Variants in PUM2 observed in about 807,000 individuals in gnomAD.
PUM2 encodes the protein pumilio RNA binding family member 2.
A neutral mutation model predicts 124.5 loss-of-function variants in PUM2; 57 were observed. The observed-to-expected ratio is 0.46, with a 90% CI of 0.37 to 0.57. PUM2 has a LOEUF of 0.57. Ranked by LOEUF, PUM2 falls within the 20% of genes least tolerant of loss-of-function variation. The pLI is 0.00. For missense variants in PUM2, 1,065 were observed against 1,290.6 expected (o/e 0.83, Z 2.68); for synonymous variants, 460 against 446.1 (o/e 1.03, Z -0.39).
chr2:20,320,784 T>C (rs1682135268), intron 2 of PUM2, among the ~76,000 whole-genome samples: 1 of 151,980 alleles, frequency 6.6e-6, no homozygotes, highest in Non-Finnish European at 1.5e-5. Context: ...AAAACATAAA[T>C]CTAGTAATAT....
chr2:20,305,408 G>C (rs1007697536), intron 7 of PUM2, among the ~76,000 whole-genome samples: 1 of 135,600 alleles, frequency 7.4e-6, no homozygotes, highest in East Asian at 2.4e-4. Flanking sequence ...AGCCTGGGAA[G>C]CTGAGGCTGT....
intron 13 of PUM2, among the ~76,000 whole-genome samples, chr2:20,276,040 T>C (rs954284713): frequency 1.1e-4 from 16 of 151,998 alleles, no homozygotes; most frequent in African/African-American, 3.9e-4. Context: ...TATTATACTA[T>C]AAAAAATGGA....
chr2:20,299,573 C>A (rs556611039), intron 7 of PUM2, among the ~76,000 whole-genome samples: 56 of 152,168 alleles, frequency 3.7e-4, no homozygotes, highest in Middle Eastern at 3.4e-3. Flanking sequence ...GAGGCTGAGG[C>A]ATGAGAATTG....
intron 15 of PUM2, among the ~76,000 whole-genome samples, chr2:20,259,890 C>T (rs746106654): frequency 1.3e-5 from 2 of 152,180 alleles, no homozygotes; most frequent in Non-Finnish European, 2.9e-5. Context: ...TACATTTCCA[C>T]CAGCAATTTA....
chr2:20,294,248 A>G, intron 9 of PUM2, 128 bp downstream of exon 9: 1 of 985,738 alleles, frequency 1.0e-6, no homozygotes, highest in South Asian at 1.7e-5. Flanking sequence ...ATACTTGCGT[A>G]TCAACTGTAT....
intron 13 of PUM2, among the ~76,000 whole-genome samples, chr2:20,266,233 A>G (rs1209760801): frequency 6.6e-6 from 1 of 152,192 alleles, no homozygotes; most frequent in African/African-American, 2.4e-5. Context: ...GCTCGAGGTC[A>G]TGAGTCTGAG....
Position 20,262,032 on chromosome 2 carries a change from T to C in PUM2, c.2225+1161A>G, listed in dbSNP as rs114527673. ...ACTGCTTGAGCCCAGGAGGTTGAGGTTGCAGTGAGTGATGATCATGCTACT... is the reference window on the plus strand; with the variant it reads ...ACTGCTTGAGCCCAGGAGGTTGAGGCTGCAGTGAGTGATGATCATGCTACT... On this transcript the variant is annotated intron_variant, in intron 14 of 20. Transcript: ENST00000361078. 5.5e-3 allele frequency among the ~76,000 whole-genome samples: 839 copies of C among 152,208 alleles called. 2 individuals carry two copies. The highest frequency in any genetic ancestry group is 0.019 in the African/African-American group (796 of 41,516).
intron 15 of PUM2, among the ~76,000 whole-genome samples, chr2:20,258,888 C>G (rs887415003): frequency 6.6e-6 from 1 of 150,978 alleles, no homozygotes; most frequent in Non-Finnish European, 1.5e-5. Context: ...AGGATGGTCT[C>G]GATCTCCTGA....
chr2:20,280,596 T>C (rs1457804757), intron 12 of PUM2, among the ~76,000 whole-genome samples: 1 of 152,178 alleles, frequency 6.6e-6, no homozygotes, highest in African/African-American at 2.4e-5. Flanking sequence ...GAAACCAGTT[T>C]TGACACATGC....
At chr2:20,314,139 C>T (rs1250283921) in intron 3 of PUM2, among the ~76,000 whole-genome samples, 2 of 152,060 alleles carry the variant, frequency 1.3e-5, no homozygotes, top group African/African-American at 4.8e-5. Flanking sequence ...TGAGACCCTG[C>T]TCCCCACTGC....
rs1416213962 is a variant in PUM2 at position 20,290,791 on chromosome 2, C to T, written c.1153-1G>A. The T allele has an allele frequency of 6.4e-7, 1 of 1,564,362 alleles. No individual in the cohort carries two copies. The highest frequency in any genetic ancestry group is 8.6e-7 in the Non-Finnish European group (1 of 1,160,676). Reference sequence around the variant, plus strand: ...GCTGACCTGCTCCAGCACGGAGAACCTACAAAGGTAAAATGATTTTCTTAA... The same window carrying T: ...GCTGACCTGCTCCAGCACGGAGAACTTACAAAGGTAAAATGATTTTCTTAA... On this transcript the variant is annotated splice_acceptor_variant, in intron 9 of 20. Coordinates refer to ENST00000361078, the MANE Select transcript of PUM2 (RefSeq NM_015317.5). LOFTEE classifies it high-confidence loss of function.
intron 1 of PUM2, among the ~76,000 whole-genome samples, chr2:20,350,024 T>C (rs908856449): frequency 2.0e-5 from 3 of 152,250 alleles, no homozygotes; most frequent in African/African-American, 4.8e-5. Context: ...TAATCTTGTC[T>C]TTGGTTTTAA....
At chr2:20,313,241 G>A (rs557516920) in intron 3 of PUM2, among the ~76,000 whole-genome samples, 9 of 152,338 alleles carry the variant, frequency 5.9e-5, no homozygotes, top group African/African-American at 2.2e-4. Context: ...CTTCCACACA[G>A]CAAGATAAAC....
At chr2:20,265,214 C>T (rs1164859716) in intron 13 of PUM2, among the ~76,000 whole-genome samples, 1 of 150,594 alleles carries the variant, frequency 6.6e-6, no homozygotes, top group East Asian at 1.9e-4. Context: ...ATTGCACCAC[C>T]GCAGTCCAGC....
chr2:20,250,087 A>G lies in PUM2; in HGVS notation c.*1498T>C, dbSNP rs373001184. 11 of 152,746 alleles carry G rather than the reference A, an allele frequency of 7.2e-5. No individual in the cohort carries two copies. The East Asian group carries it at 1.9e-3, about 27-fold the overall frequency. 9.5% of individuals were successfully genotyped at this position (152,746 alleles called of 1,614,324 possible). On this transcript the variant is annotated 3_prime_UTR_variant, in exon 21 of 21. Coordinates refer to ENST00000361078, the MANE Select transcript of PUM2 (RefSeq NM_015317.5). ...AAAGAAAAAAGTCACATCACATTTA[A>G]TAAGATGAAAAAAGCATTGGCCTCC... is the stretch of plus-strand genomic sequence containing the variant.
At chr2:20,269,111 G>A (rs1442082484) in intron 13 of PUM2, among the ~76,000 whole-genome samples, 1 of 152,034 alleles carries the variant, frequency 6.6e-6, no homozygotes, top group East Asian at 1.9e-4. Context: ...ATGCTTCCTA[G>A]AGAATGTTTA....
chr2:20,285,028 T>A lies in PUM2; in HGVS notation c.1292-1542A>T, dbSNP rs374107736. ...AGAAAACATTCTTGTTCAAAAACAT[T>A]GTCATTTACTTAACATCTGAATTTG... On this transcript the variant is annotated intron_variant, in intron 10 of 20. Coordinates refer to ENST00000361078, the MANE Select transcript of PUM2 (RefSeq NM_015317.5). 3.2e-4 allele frequency among the ~76,000 whole-genome samples: 49 copies of A among 152,372 alleles called. No homozygotes were observed. The South Asian group carries it at 9.9e-3, about 31-fold the overall frequency.
intron 14 of PUM2, among the ~76,000 whole-genome samples, chr2:20,261,511 A>G (rs1414039242): frequency 6.8e-6 from 1 of 148,080 alleles, no homozygotes; most frequent in South Asian, 2.2e-4. Context: ...TTGTTATTTT[A>G]GAGTGTATTC....
chr2:20,350,699 CA>C lies in PUM2; in HGVS notation c.-122del. ...CCCCCTCCTCCGCCTTCGGTGGCGG[CA>C]ATGTCTTCTTTCTCCACCTACCACC... On this transcript the variant is annotated 5_prime_UTR_variant, in exon 1 of 21. In the 5' UTR this introduces an upstream ATG that the reference lacks. Coordinates refer to ENST00000361078, the MANE Select transcript of PUM2 (RefSeq NM_015317.5). 1 of 984,104 alleles carries C rather than the reference CA, an allele frequency of 1.0e-6. No individual in the cohort carries two copies. Among genetic ancestry groups the C allele is most frequent in the Non-Finnish European group, 1.2e-6 (1 of 829,030 alleles). The allele number at this position is 984,104 out of a possible 1,614,324, so 61.0% of individuals were successfully genotyped here.
Sources: allele counts gnomAD v4.1 joint callset (sites outside exome capture counted in the v4.1 genomes callset), GRCh38; gene constraint gnomAD v4.1.1; transcripts MANE v1.5; gene names NCBI Gene and HGNC (gene_info 2026-07-23, HGNC 2026-07-21).